The following GRM7 variants were observed in gnomAD, a reference collection of about 807,000 sequenced individuals.
The protein encoded by GRM7 is glutamate metabotropic receptor 7.
GRM7 carries 35 observed loss-of-function variants against 84.5 expected under a neutral mutation model. That is an observed-to-expected ratio of 0.41 (90% CI 0.32 to 0.55). The LOEUF (loss-of-function observed/expected upper bound fraction) is 0.55. GRM7 is among the 20% of genes least tolerant of loss of function. The pLI is 0.19. For synonymous variants in GRM7, 487 were observed against 455.1 expected, an observed-to-expected ratio of 1.07 and a Z score of -0.89; for missense variants, 1,003 against 1,194.6, an observed-to-expected ratio of 0.84 and a Z score of 2.36.
At position 7,645,546 on chromosome 3, in the gene GRM7, TAAAAAAAAA is replaced by T. The variant is rs71043684; in HGVS notation, c.2452-34486_2452-34478del. ...TGGGTGACAGAGCAAGACTCCATCT[TAAAAAAAAA>T]AAAAAAAAAAAAAAAAGAAAAGAAA... On this transcript the variant is annotated intron_variant, in intron 8 of 9. Coordinates refer to ENST00000357716, the MANE Select transcript of GRM7 (RefSeq NM_000844.4). 7.5e-4 allele frequency among the ~76,000 whole-genome samples: 66 copies of T among 87,786 alleles called. 1 individual carries two copies. The highest frequency in any genetic ancestry group is 8.6e-4 in the Admixed American group (6 of 7,010). 57.6% of individuals were successfully genotyped at this position (87,786 alleles called of 152,430 possible).
intron 8 of GRM7, among the ~76,000 whole-genome samples, chr3:7,618,342 T>C (rs1362830529): frequency 1.3e-5 from 2 of 152,094 alleles, no homozygotes; most frequent in Non-Finnish European, 2.9e-5. Flanking sequence ...GGAATTTGCA[T>C]GGTATTCAGT....
chr3:7,491,203 A>T (rs367753035), intron 7 of GRM7, among the ~76,000 whole-genome samples: 1 of 151,996 alleles, frequency 6.6e-6, no homozygotes, highest in Admixed American at 6.6e-5. Flanking sequence ...TTAGGTATTC[A>T]GTTAAAATGT....
intron 6 of GRM7, among the ~76,000 whole-genome samples, chr3:7,456,439 ATTTTTTTTTCCT>A (rs1698011837): frequency 9.1e-6 from 1 of 109,852 alleles, no homozygotes; most frequent in Non-Finnish European, 2.0e-5. Flanking sequence ...TTAGGATGCT[ATTTTTTTTTCCT>A]TTTTTTTTTT....
chr3:7,159,081 T>G, intron 2 of GRM7, among the ~76,000 whole-genome samples: 1 of 152,204 alleles, frequency 6.6e-6, no homozygotes, highest in East Asian at 1.9e-4. Context: ...GTTTCTTTTA[T>G]GTATCCAATA....
At chr3:7,328,599 T>A (rs1701074745) in intron 4 of GRM7, among the ~76,000 whole-genome samples, 2 of 152,172 alleles carry the variant, frequency 1.3e-5, no homozygotes, top group South Asian at 4.1e-4. Flanking sequence ...CAATTCAGAA[T>A]GCACCTGTGT....
chr3:7,662,065 G>C (rs571506191), intron 8 of GRM7, among the ~76,000 whole-genome samples: 50 of 152,174 alleles, frequency 3.3e-4, no homozygotes, highest in African/African-American at 1.2e-3. Flanking sequence ...AAACTACCCA[G>C]CAATAGAAAT....
chr3:6,936,153 G>A (rs146620296), intron 1 of GRM7, among the ~76,000 whole-genome samples: 1 of 152,160 alleles, frequency 6.6e-6, no homozygotes, highest in South Asian at 2.1e-4. Flanking sequence ...CCAGCACCCA[G>A]CTGTCTCAGC....
intron 4 of GRM7, among the ~76,000 whole-genome samples, chr3:7,331,702 G>A (rs111357763): frequency 0.04 from 6,037 of 152,170 alleles, 255 homozygotes; most frequent in African/African-American, 0.11. Context: ...CTCATGTGTT[G>A]GAGCTCTGTC....
At chr3:7,137,645 C>A (rs17046865) in intron 1 of GRM7, among the ~76,000 whole-genome samples, 2,151 of 151,970 alleles carry the variant, frequency 0.014, 21 homozygotes, top group African/African-American at 0.038. Context: ...TAGTTGGAGA[C>A]CCACATAGAG....
At chr3:6,978,202 G>A (rs879833052) in intron 1 of GRM7, among the ~76,000 whole-genome samples, 68 of 152,268 alleles carry the variant, frequency 4.5e-4, no homozygotes, top group Admixed American at 3.7e-3. Context: ...CAGAGAAAAG[G>A]AGAAGGCTAT....
chr3:7,059,958 G>A (rs1697374841), intron 1 of GRM7, among the ~76,000 whole-genome samples: 1 of 151,844 alleles, frequency 6.6e-6, no homozygotes, highest in African/African-American at 2.4e-5. Flanking sequence ...TAGCAGCCCA[G>A]CTGGACTGCA....
chr3:7,042,278 G>C (rs1478509524), intron 1 of GRM7, among the ~76,000 whole-genome samples: 1 of 152,122 alleles, frequency 6.6e-6, no homozygotes, highest in Non-Finnish European at 1.5e-5. Flanking sequence ...GGAGCAACAA[G>C]CTTGTGTCCA....
chr3:7,694,902 A>AGGTCAC (rs1700959824), intron 9 of GRM7, among the ~76,000 whole-genome samples: 1 of 152,158 alleles, frequency 6.6e-6, no homozygotes, highest in Non-Finnish European at 1.5e-5. Flanking sequence ...GGGCATCAAA[A>AGGTCAC]GGTCACCTGT....
At chr3:7,284,701 C>T (rs898812953) in intron 2 of GRM7, among the ~76,000 whole-genome samples, 1 of 151,880 alleles carries the variant, frequency 6.6e-6, no homozygotes, top group African/African-American at 2.4e-5. Context: ...TTATCTACTG[C>T]TTGGTCTTGG....
At chr3:7,402,805 CTTTT>C (rs35688376) in intron 4 of GRM7, among the ~76,000 whole-genome samples, 1 of 143,954 alleles carries the variant, frequency 6.9e-6, no homozygotes, top group Non-Finnish European at 1.5e-5. Context: ...TGTTGTTTTC[CTTTT>C]TTTTTTTTTT....
chr3:7,045,091 G>A (rs1696756203), intron 1 of GRM7, among the ~76,000 whole-genome samples: 1 of 152,144 alleles, frequency 6.6e-6, no homozygotes, highest in Admixed American at 6.6e-5. Context: ...GTGCTTTTGA[G>A]CTGCAGCCTG....
At chr3:7,619,043 G>A (rs1478314800) in intron 8 of GRM7, among the ~76,000 whole-genome samples, 1 of 152,142 alleles carries the variant, frequency 6.6e-6, no homozygotes, top group Non-Finnish European at 1.5e-5. Context: ...CATCATGCTA[G>A]AGAGGACAAG....
At chr3:7,441,985 T>C (rs1697307639) in intron 5 of GRM7, among the ~76,000 whole-genome samples, 1 of 152,138 alleles carries the variant, frequency 6.6e-6, no homozygotes, top group Non-Finnish European at 1.5e-5. Flanking sequence ...CATATGACTT[T>C]TAGAATAGCT....
At chr3:6,886,028 G>A (rs1486503817) in intron 1 of GRM7, among the ~76,000 whole-genome samples, 1 of 152,034 alleles carries the variant, frequency 6.6e-6, no homozygotes, top group East Asian at 1.9e-4. Flanking sequence ...TTTGATATAT[G>A]TATACATTGT....
Sources: gnomAD v4.1 joint callset for allele counts (sites outside exome capture counted in the v4.1 genomes callset) on GRCh38, gnomAD v4.1.1 for gene constraint, MANE v1.5 for transcripts, NCBI Gene and HGNC (gene_info 2026-07-23, HGNC 2026-07-21) for gene names.